Variants in AK5 observed in about 807,000 individuals in gnomAD.
AK5 encodes the protein adenylate kinase isoenzyme 5.
Under a neutral mutation model 69.5 loss-of-function variants are expected in AK5, and 27 were observed. The ratio of observed to expected loss-of-function variants is 0.39; its 90% CI spans 0.29 to 0.54. AK5 has a LOEUF of 0.54. Ranked by LOEUF, AK5 falls within the 20% of genes least tolerant of loss-of-function variation. The pLI, the probability that AK5 is intolerant of heterozygous loss-of-function variation, is 0.71. For synonymous variants in AK5, 260 were observed against 244.4 expected (o/e 1.06, Z -0.60); for missense variants, 531 against 700.4 (o/e 0.76, Z 2.73).
intron 12 of AK5, among the ~76,000 whole-genome samples, chr1:77,534,968 G>T (rs1313581902): frequency 6.6e-6 from 1 of 152,174 alleles, no homozygotes; most frequent in African/African-American, 2.4e-5. Context: ...CAGTGGCTGG[G>T]GCTGAGATCC....
At chr1:77,388,790 A>G (rs2100519831) in intron 6 of AK5, among the ~76,000 whole-genome samples, 1 of 151,976 alleles carries the variant, frequency 6.6e-6, no homozygotes, top group East Asian at 1.9e-4. Flanking sequence ...AACTTTCTCC[A>G]CTTGGCCAAA....
At chr1:77,374,113 T>G (rs147077909) in intron 6 of AK5, among the ~76,000 whole-genome samples, 8 of 152,314 alleles carry the variant, frequency 5.3e-5, no homozygotes, top group African/African-American at 1.2e-4. Context: ...TCACCTGAAA[T>G]TAGATTGGTA....
intron 8 of AK5, among the ~76,000 whole-genome samples, chr1:77,449,272 A>G (rs955327551): frequency 6.6e-6 from 1 of 152,206 alleles, no homozygotes; most frequent in African/African-American, 2.4e-5. Flanking sequence ...GCCCAAGACC[A>G]TGGGAATCCA....
At chr1:77,368,365 TAC>T (rs142377935) in intron 6 of AK5, among the ~76,000 whole-genome samples, 6 of 135,976 alleles carry the variant, frequency 4.4e-5, no homozygotes, top group African/African-American at 5.3e-5. Flanking sequence ...TGTATATATA[TAC>T]ACACACACAC....
Position 77,282,391 on chromosome 1 carries a change from C to T in AK5, c.60+18C>T, listed in dbSNP as rs949996867. ...TTTTTGAGGTAGGGCTAGAGCTGGC[C>T]GACGGGCGGTAGCATCCGGGGACTG... is the stretch of plus-strand genomic sequence containing the variant. On this transcript the variant is annotated intron_variant, in intron 1 of 13. Transcript: ENST00000354567. 16 of 1,538,884 alleles carry T rather than the reference C, an allele frequency of 1.0e-5. No individual in the cohort carries two copies. In the African/African-American group the frequency reaches 2.1e-4, roughly 20 times the overall value.
intron 12 of AK5, among the ~76,000 whole-genome samples, chr1:77,526,094 T>G (rs1288571463): frequency 6.6e-6 from 1 of 152,222 alleles, no homozygotes; most frequent in Non-Finnish European, 1.5e-5. Context: ...TTGTTTATTC[T>G]AATCTTCTAG....
At chr1:77,556,293 G>A (rs560533436) in intron 13 of AK5, among the ~76,000 whole-genome samples, 4 of 152,086 alleles carry the variant, frequency 2.6e-5, no homozygotes, top group Non-Finnish European at 4.4e-5. Flanking sequence ...CCTGGATTTC[G>A]TGATAATCAT....
chr1:77,329,940 G>A (rs1660998524), intron 5 of AK5, among the ~76,000 whole-genome samples: 1 of 152,178 alleles, frequency 6.6e-6, no homozygotes, highest in African/African-American at 2.4e-5. Context: ...ATTAAGTCAG[G>A]CAGATCTCAC....
At chr1:77,376,607 G>A (rs1557542890) in intron 6 of AK5, among the ~76,000 whole-genome samples, 1 of 151,970 alleles carries the variant, frequency 6.6e-6, no homozygotes, top group Non-Finnish European at 1.5e-5. Context: ...GAGGTTGCAT[G>A]ATATCAGCCA....
intron 13 of AK5, among the ~76,000 whole-genome samples, chr1:77,556,019 T>G (rs187776295): frequency 6.6e-6 from 1 of 152,362 alleles, no homozygotes; most frequent in Admixed American, 6.5e-5. Context: ...AATTGCAGAT[T>G]GCTATCTTTG....
intron 6 of AK5, among the ~76,000 whole-genome samples, chr1:77,367,612 T>TATATATGTAAA (rs1557532993): frequency 2.9e-5 from 2 of 68,748 alleles, no homozygotes; most frequent in Non-Finnish European, 5.3e-5. Flanking sequence ...ATATATGTAA[T>TATATATGTAAA]ATATATGTTA....
chr1:77,292,738 T>C (rs753227740), intron 2 of AK5, among the ~76,000 whole-genome samples: 2 of 152,234 alleles, frequency 1.3e-5, no homozygotes, highest in Non-Finnish European at 2.9e-5. Context: ...ACCAACTGTG[T>C]TATATTTCCT....
chr1:77,293,672 T>A (rs1226401874), intron 2 of AK5, 121 bp from the exon 3 acceptor site: 5 of 826,174 alleles, frequency 6.1e-6, no homozygotes, highest in Non-Finnish European at 1.8e-6. Flanking sequence ...GGGAGACTTC[T>A]TCCAGTTAAG....
intron 8 of AK5, among the ~76,000 whole-genome samples, chr1:77,471,679 C>T (rs1654519824): frequency 6.6e-6 from 1 of 152,134 alleles, no homozygotes; most frequent in Non-Finnish European, 1.5e-5. Context: ...ATTGGAGTGC[C>T]AAAGGACATA....
chr1:77,475,443 AT>A (rs1178365416), intron 8 of AK5, among the ~76,000 whole-genome samples: 8 of 20,936 alleles, frequency 3.8e-4, no homozygotes, highest in Admixed American at 1.0e-3. Flanking sequence ...ATGTATATAT[AT>A]TATATATATA....
rs78591099 is a variant in AK5 at position 77,527,055 on chromosome 1, T to G, written c.1428+5112T>G. On this transcript the variant is annotated intron_variant, in intron 12 of 13. Coordinates refer to ENST00000354567, the MANE Select transcript of AK5 (RefSeq NM_174858.3). ...GGAATCATTAAAAGCATGTCACTCG[T>G]GTACTCTGGAGTCAGAAAATCTAGG... Among the ~76,000 whole-genome samples, 489 of 152,304 alleles carry G rather than the reference T, an allele frequency of 3.2e-3. 1 individual carries two copies. The highest frequency in any genetic ancestry group is 0.011 in the African/African-American group (463 of 41,558).
intron 5 of AK5, among the ~76,000 whole-genome samples, chr1:77,301,328 G>C (rs1460358457): frequency 2.0e-5 from 3 of 152,140 alleles, no homozygotes; most frequent in African/African-American, 7.2e-5. Context: ...GAATGTGAAG[G>C]TCTGAAGTCT....
intron 6 of AK5, among the ~76,000 whole-genome samples, chr1:77,382,054 A>G (rs566729168): frequency 3.9e-5 from 6 of 152,224 alleles, no homozygotes; most frequent in African/African-American, 1.4e-4. Flanking sequence ...ATCTCGGACA[A>G]CCATTTTCAC....
intron 12 of AK5, among the ~76,000 whole-genome samples, chr1:77,522,329 C>T (rs1032501513): frequency 6.6e-6 from 1 of 152,148 alleles, no homozygotes; most frequent in Non-Finnish European, 1.5e-5. Context: ...AGTTGTGTTT[C>T]CTATCCTGGA....
Sources: gnomAD v4.1 joint callset for allele counts (sites outside exome capture counted in the v4.1 genomes callset) on GRCh38, gnomAD v4.1.1 for gene constraint, MANE v1.5 for transcripts, NCBI Gene and HGNC (gene_info 2026-07-23, HGNC 2026-07-21) for gene names.